Variants in RAB11FIP3 observed in about 807,000 individuals in gnomAD.
RAB11FIP3 encodes rab11 family-interacting protein 3.
In RAB11FIP3, 17 loss-of-function variants were observed where a neutral mutation model predicts 77.8. The observed-to-expected ratio is 0.22, with a 90% CI of 0.15 to 0.33. The LOEUF is 0.33. Among genes scored for constraint, RAB11FIP3 ranks in the 10% least tolerant of loss-of-function variants. The pLI, the probability that RAB11FIP3 is intolerant of heterozygous loss-of-function variation, is 1.00. For missense variants in RAB11FIP3, 1,005 were observed against 1,011.2 expected (o/e 0.99, Z 0.08); for synonymous variants, 437 against 448.2 (o/e 0.98, Z 0.31).
At chr16:488,736 T>A in intron 4 of RAB11FIP3, 115 bp from the exon 5 acceptor site, 36 of 905,306 alleles carry the variant, frequency 4.0e-5, no homozygotes, top group Non-Finnish European at 4.9e-5. Flanking sequence ...TAAACGTGGC[T>A]CCCAGGACTC....
chr16:487,321 A>G (rs8060880), intron 4 of RAB11FIP3, among the ~76,000 whole-genome samples: 85,731 of 151,746 alleles, frequency 0.56, 24,432 homozygotes, highest in Middle Eastern at 0.66. Context: ...TAGTAGAGAC[A>G]GGGTTTCACC....
intron 2 of RAB11FIP3, among the ~76,000 whole-genome samples, chr16:464,551 C>T (rs980339524): frequency 3.3e-5 from 5 of 152,124 alleles, no homozygotes; most frequent in Non-Finnish European, 7.3e-5. Flanking sequence ...ACTGATTCAC[C>T]GGTTAGCTCT....
chr16:486,595 A>G (rs974999138), intron 4 of RAB11FIP3, among the ~76,000 whole-genome samples: 1 of 152,232 alleles, frequency 6.6e-6, no homozygotes, highest in Non-Finnish European at 1.5e-5. Flanking sequence ...TCTTCTGTGG[A>G]CCGTGGAAAG....
At position 426,205 on chromosome 16, in the gene RAB11FIP3, G is replaced by A. The variant is rs2054938458; in HGVS notation, c.199G>A (p.Gly67Arg). 1 of 1,019,198 alleles carries A rather than the reference G, an allele frequency of 9.8e-7. No individual in the cohort carries two copies. Among genetic ancestry groups the A allele is most frequent in the African/African-American group, 1.7e-5 (1 of 57,428 alleles). 63.1% of individuals were successfully genotyped at this position (1,019,198 alleles called of 1,614,324 possible). ...EPAPGAAADG[G>R]ARWSAGPAPG... is the part of the protein sequence containing the mutation. ...TGCGCCCGGGGCCGCTGCAGATGGC[G>A]GGGCGCGTTGGAGCGCCGGGCCGGC... The change falls in exon 1 of 14, where the codon GGG becomes AGG. Residue 67 changes from glycine to arginine, a missense_variant. Gly to Arg is a moderately radical substitution (Grantham distance 125). Coordinates refer to ENST00000262305, the MANE Select transcript of RAB11FIP3 (RefSeq NM_014700.4). The surrounding 1 kb of genome is among the most constrained non-coding windows in gnomAD (Gnocchi z 5.0).
At chr16:443,250 C>T (rs2055255872) in intron 1 of RAB11FIP3, among the ~76,000 whole-genome samples, 1 of 152,152 alleles carries the variant, frequency 6.6e-6, no homozygotes, top group East Asian at 1.9e-4. Flanking sequence ...AATCAAGAAC[C>T]TGCTCTTGTT....
chr16:426,120 G>A lies in RAB11FIP3; in HGVS notation c.114G>A (p.Glu38=), dbSNP rs542630196. The A allele has an allele frequency of 1.9e-3, 1,923 of 1,008,994 alleles. 39 individuals are homozygous for A. The African/African-American group carries it at 0.031, about 16-fold the overall frequency. 62.5% of individuals were successfully genotyped at this position (1,008,994 alleles called of 1,614,324 possible). The change falls in exon 1 of 14, where the codon GAG becomes GAA. Residue 38 remains glutamate, a synonymous_variant. Coordinates refer to ENST00000262305, the MANE Select transcript of RAB11FIP3 (RefSeq NM_014700.4). The surrounding 1 kb of genome is among the most constrained non-coding windows in gnomAD (Gnocchi z 5.0). ...GAAQLAPGPA[E]LRLGAPVGGP... ...CACAACTGGCTCCGGGCCCTGCGGA[G>A]CTACGCCTCGGAGCGCCCGTCGGCG...
In RAB11FIP3 at chr16:460,026, C is replaced by T. The variant is rs577061848; in HGVS notation, c.715-1378C>T. Among the ~76,000 whole-genome samples, 22 of 151,944 alleles carry T rather than the reference C, an allele frequency of 1.4e-4. No individual in the cohort carries two copies. The South Asian group carries it at 3.7e-3, about 26-fold the overall frequency. On this transcript the variant is annotated intron_variant, in intron 1 of 13. Transcript: ENST00000262305. ...CTGAGTAGCTGGGATTACAGGCATG[C>T]GCCACCACGCCTGGCTGATTTTGTA...
At chr16:490,493 C>A (rs2141776391) in intron 5 of RAB11FIP3, among the ~76,000 whole-genome samples, 1 of 152,304 alleles carries the variant, frequency 6.6e-6, no homozygotes, top group Non-Finnish European at 1.5e-5. Flanking sequence ...GTATGAGCTA[C>A]TACGCCGGGC....
intron 3 of RAB11FIP3, among the ~76,000 whole-genome samples, chr16:479,807 A>G (rs2055997182): frequency 6.6e-6 from 1 of 151,792 alleles, no homozygotes; most frequent in Admixed American, 6.6e-5. Flanking sequence ...GGTCTCAGCT[A>G]CTCAGGAGGC....
Position 505,951 on chromosome 16 carries a change from C to T in RAB11FIP3, c.1499+324C>T, listed in dbSNP as rs1395009894. On this transcript the variant is annotated intron_variant, in intron 8 of 13. Coordinates refer to ENST00000262305, the MANE Select transcript of RAB11FIP3 (RefSeq NM_014700.4). This position sits in a 1 kb window ranked among gnomAD's most constrained non-coding sequence, Gnocchi z 4.0. ...ACTGCGAACCCACGCAGTGCTCAGC[C>T]TCACCAGCAGGCCTGGAGGTGCAGC... 6.6e-6 allele frequency among the ~76,000 whole-genome samples: 1 copy of T among 152,236 alleles called. No individual in the cohort carries two copies. The highest frequency in any genetic ancestry group is 2.4e-5 in the African/African-American group (1 of 41,456).
intron 9 of RAB11FIP3, among the ~76,000 whole-genome samples, chr16:511,545 C>G (rs1305145426): frequency 1.4e-5 from 1 of 70,018 alleles, no homozygotes; most frequent in Non-Finnish European, 2.6e-5. Context: ...AGTTCCCCGA[C>G]GGCCCGCCAA....
intron 3 of RAB11FIP3, chr16:482,276 G>C: frequency 1.5e-6 from 1 of 656,524 alleles, no homozygotes; most frequent in Non-Finnish European, 2.8e-6. Context: ...GGCTGGTCTT[G>C]AGCTCCTGGG....
intron 9 of RAB11FIP3, among the ~76,000 whole-genome samples, chr16:512,694 C>T (rs1451934178): frequency 6.6e-6 from 1 of 151,878 alleles, no homozygotes; most frequent in Non-Finnish European, 1.5e-5. Flanking sequence ...GAGGCTCACA[C>T]CACTGCACCC....
At chr16:449,240 A>G (rs771611107) in intron 1 of RAB11FIP3, among the ~76,000 whole-genome samples, 3 of 152,148 alleles carry the variant, frequency 2.0e-5, no homozygotes, top group Non-Finnish European at 2.9e-5. Flanking sequence ...GCAGTCCTGT[A>G]TATCTCCAGC....
At chr16:436,170 C>T (rs779782947) in intron 1 of RAB11FIP3, among the ~76,000 whole-genome samples, 24 of 152,222 alleles carry the variant, frequency 1.6e-4, no homozygotes, top group Non-Finnish European at 2.6e-4. Flanking sequence ...ATTAGCCGGG[C>T]GTGGTGGCAG....
chr16:475,503 C>T (rs567402414), intron 3 of RAB11FIP3, among the ~76,000 whole-genome samples: 2 of 152,266 alleles, frequency 1.3e-5, no homozygotes, highest in South Asian at 2.1e-4. Flanking sequence ...GCACCGTGCT[C>T]TGAGGTACAT....
chr16:483,165 G>A (rs1265418573), intron 4 of RAB11FIP3, among the ~76,000 whole-genome samples: 5 of 152,168 alleles, frequency 3.3e-5, no homozygotes, highest in Non-Finnish European at 7.4e-5. Context: ...GTAGAGGGAC[G>A]GGCAGAGTCT....
chr16:446,380 G>A (rs1446909319), intron 1 of RAB11FIP3, among the ~76,000 whole-genome samples: 1 of 152,212 alleles, frequency 6.6e-6, no homozygotes, highest in African/African-American at 2.4e-5. Context: ...TATTTTAGGG[G>A]ACGACATTGC....
chr16:492,535 C>T lies in RAB11FIP3; in HGVS notation c.1265+3535C>T, dbSNP rs112485770. 2.1e-4 allele frequency among the ~76,000 whole-genome samples: 32 copies of T among 150,948 alleles called. 1 individual carries two copies. The highest frequency in any genetic ancestry group is 5.4e-4 in the African/African-American group (22 of 41,022). ...AGGGCCCTCCCGGGAGACCCGAGGCCGTCCAGAATCTTGGATTCCAAAGAT... is the reference window on the plus strand; with the variant it reads ...AGGGCCCTCCCGGGAGACCCGAGGCTGTCCAGAATCTTGGATTCCAAAGAT... On this transcript the variant is annotated intron_variant, in intron 5 of 13. Coordinates refer to ENST00000262305, the MANE Select transcript of RAB11FIP3 (RefSeq NM_014700.4).
Sources: gnomAD v4.1 joint callset for allele counts (sites outside exome capture counted in the v4.1 genomes callset) on GRCh38, gnomAD v4.1.1 for gene constraint, Gnocchi (gnomAD v3.1) non-coding constraint, MANE v1.5 for transcripts, NCBI Gene and HGNC (gene_info 2026-07-23, HGNC 2026-07-21) for gene names.